Variants in HECW1 observed in about 807,000 individuals in gnomAD.
HECW1 encodes E3 ubiquitin-protein ligase HECW1.
HECW1 carries 61 observed loss-of-function variants against 182.3 expected under a neutral mutation model. That is an observed-to-expected ratio of 0.33 (90% confidence interval 0.27 to 0.41). The LOEUF (loss-of-function observed/expected upper bound fraction) is 0.41. HECW1 is among the 10% of genes least tolerant of loss of function. The pLI is 1.00. For missense variants in HECW1, 1,739 were observed against 2,108.9 expected, an observed-to-expected ratio of 0.82 and a Z score of 3.44; for synonymous variants, 859 against 832.6, an observed-to-expected ratio of 1.03 and a Z score of -0.55.
intron 5 of HECW1, among the ~76,000 whole-genome samples, chr7:43,335,699 C>T (rs893113381): frequency 1.3e-5 from 2 of 151,510 alleles, no homozygotes; most frequent in Admixed American, 1.3e-4. Flanking sequence ...TCCTTCCTTC[C>T]TTCCTTTCCT....
Position 43,444,625 on chromosome 7 carries a change from G to C in HECW1, c.1453G>C (p.Glu485Gln). Residue 485 changes from glutamate to glutamine, a missense_variant, in exon 11 of 30, where the codon GAG becomes CAG. Around this residue, in one of 5 missense-constraint regions of HECW1, gnomAD observed 971 missense variants for 1,029.1 expected, o/e 0.94. Transcript: ENST00000395891. The surrounding 1 kb of genome is among the most constrained non-coding windows in gnomAD (Gnocchi z 4.3). The stretch of plus-strand genomic sequence containing the variant: ...TGAAGCCCCAGCCAGCACCAAGGAG[G>C]AGCCCTTGGAGGAGGAAGCAACGAC... ...DGEAPASTKE[E>Q]PLEEEATTQS... 1 of 1,609,900 alleles carries C rather than the reference G, an allele frequency of 6.2e-7. No homozygotes were observed. The highest frequency in any genetic ancestry group is 8.5e-7 in the Non-Finnish European group (1 of 1,178,216).
At chr7:43,319,454 G>A (rs1809782643) in intron 4 of HECW1, among the ~76,000 whole-genome samples, 1 of 150,338 alleles carries the variant, frequency 6.7e-6, no homozygotes, top group Non-Finnish European at 1.5e-5. Flanking sequence ...GAGAACAGCA[G>A]GAGGTGAAAG....
At chr7:43,527,518 C>T (rs531389994) in intron 24 of HECW1, among the ~76,000 whole-genome samples, 6 of 152,248 alleles carry the variant, frequency 3.9e-5, no homozygotes, top group South Asian at 2.1e-4. Flanking sequence ...CTTATAAGAA[C>T]GCTTGTCGAT....
intron 22 of HECW1, among the ~76,000 whole-genome samples, chr7:43,507,469 A>G (rs1367077837): frequency 6.6e-6 from 1 of 152,206 alleles, no homozygotes; most frequent in Non-Finnish European, 1.5e-5. Context: ...AAGGTAAGAG[A>G]GGGAAAGAGA....
chr7:43,334,803 T>TG (rs1431220661), intron 5 of HECW1, among the ~76,000 whole-genome samples: 7 of 152,200 alleles, frequency 4.6e-5, no homozygotes, highest in African/African-American at 1.2e-4. Flanking sequence ...TCATATCCTT[T>TG]GGGGAAAATA....
chr7:43,546,675 A>G (rs2152956538), intron 26 of HECW1, among the ~76,000 whole-genome samples: 1 of 152,114 alleles, frequency 6.6e-6, no homozygotes, highest in Non-Finnish European at 1.5e-5. Context: ...GGTACTTCCT[A>G]ACTTCGGGAA....
intron 2 of HECW1, among the ~76,000 whole-genome samples, chr7:43,129,794 G>A (rs1786701519): frequency 6.6e-6 from 1 of 152,120 alleles, no homozygotes; most frequent in Non-Finnish European, 1.5e-5. Context: ...AGATGCTCAA[G>A]TCGCTGGTAT....
chr7:43,124,941 T>C (rs6968676), intron 2 of HECW1, among the ~76,000 whole-genome samples: 3,019 of 152,292 alleles, frequency 0.02, 111 homozygotes, highest in African/African-American at 0.069. Flanking sequence ...GTTTTCAAGA[T>C]GCCTTAGTTT....
At chr7:43,519,435 G>A (rs910520543) in intron 24 of HECW1, among the ~76,000 whole-genome samples, 18 of 152,108 alleles carry the variant, frequency 1.2e-4, no homozygotes, top group Admixed American at 2.0e-4. Flanking sequence ...TAGTAGAGAC[G>A]GGGTTTCACT....
intron 17 of HECW1, among the ~76,000 whole-genome samples, chr7:43,490,507 C>T (rs375874919): frequency 3.2e-4 from 48 of 152,310 alleles, no homozygotes; most frequent in African/African-American, 1.1e-3. Context: ...GAGTTACACT[C>T]TACATTAAAT....
At chr7:43,416,005 G>T (rs1440635650) in intron 8 of HECW1, among the ~76,000 whole-genome samples, 2 of 149,086 alleles carry the variant, frequency 1.3e-5, no homozygotes, top group African/African-American at 2.5e-5. Flanking sequence ...TAATTTGATC[G>T]TCTGAAGCCT....
chr7:43,460,863 G>C (rs1361310341), intron 13 of HECW1, among the ~76,000 whole-genome samples: 2 of 152,200 alleles, frequency 1.3e-5, no homozygotes, highest in East Asian at 3.9e-4. Context: ...GTCAAATGCA[G>C]GATTTGAGGC....
At chr7:43,182,364 T>G (rs773959135) in intron 2 of HECW1, among the ~76,000 whole-genome samples, 14 of 152,264 alleles carry the variant, frequency 9.2e-5, no homozygotes, top group Non-Finnish European at 1.6e-4. Flanking sequence ...TTCATTCTTC[T>G]GCCTGTGGAC....
At chr7:43,385,594 A>G (rs2152830826) in intron 6 of HECW1, among the ~76,000 whole-genome samples, 1 of 151,952 alleles carries the variant, frequency 6.6e-6, no homozygotes, top group African/African-American at 2.4e-5. Flanking sequence ...GATCTCCATG[A>G]GTTCATGTTG....
chr7:43,438,642 C>T (rs1183087772), intron 9 of HECW1: 1 of 152,220 alleles, frequency 6.6e-6, no homozygotes, highest in Non-Finnish European at 1.5e-5. Context: ...GCATGATTCT[C>T]ATGGAATGAC....
At chr7:43,161,468 C>G (rs7790085) in intron 2 of HECW1, 127,712 of 152,272 alleles carry the variant, frequency 0.84, 53,817 homozygotes, top group African/African-American at 0.9. Flanking sequence ...CACAGCACAG[C>G]CCTAGGCAGT....
intron 13 of HECW1, among the ~76,000 whole-genome samples, chr7:43,457,634 G>C (rs2077446833): frequency 1.3e-5 from 2 of 152,050 alleles, no homozygotes; most frequent in Admixed American, 6.6e-5. Context: ...AATTAGCCAA[G>C]CGTGGTGGCA....
intron 2 of HECW1, among the ~76,000 whole-genome samples, chr7:43,174,224 CCCCCAGTTCCTGACAAAG>C (rs1791987639): frequency 6.6e-6 from 1 of 152,110 alleles, no homozygotes; most frequent in African/African-American, 2.4e-5. Flanking sequence ...ATGGGTTTGT[CCCCCAGTTCCTGACAAAG>C]CCCCATTTTC....
At chr7:43,344,109 G>T (rs1033251010) in intron 5 of HECW1, among the ~76,000 whole-genome samples, 7 of 151,578 alleles carry the variant, frequency 4.6e-5, no homozygotes, top group East Asian at 1.9e-4. Context: ...GGGTTGTTTG[G>T]TTTTTTTCTT....
Sources: gnomAD v4.1 joint callset for allele counts (sites outside exome capture counted in the v4.1 genomes callset) on GRCh38, gnomAD v4.1.1 for gene constraint, gnomAD v4.1.1 regional missense constraint, Gnocchi (gnomAD v3.1) non-coding constraint, MANE v1.5 for transcripts, NCBI Gene and HGNC (gene_info 2026-07-23, HGNC 2026-07-21) for gene names.